Variants in CABLES1 observed in about 807,000 individuals in gnomAD.
CABLES1 encodes the protein Cdk5 and Abl enzyme substrate 1.
A neutral mutation model predicts 57.8 loss-of-function variants in CABLES1; 36 were observed. The ratio of observed to expected loss-of-function variants is 0.62; its 90% CI spans 0.48 to 0.82. The LOEUF is 0.82. CABLES1 is among the 40% of genes least tolerant of loss of function. The pLI is 0.00. For synonymous variants in CABLES1, 374 were observed against 363.0 expected (o/e 1.03, Z -0.35); for missense variants, 767 against 836.6 (o/e 0.92, Z 1.03).
chr18:23,151,726 C>T (rs1217774768), intron 1 of CABLES1, among the ~76,000 whole-genome samples: 1 of 152,080 alleles, frequency 6.6e-6, no homozygotes, highest in East Asian at 1.9e-4. Flanking sequence ...GACTGCTGAA[C>T]TAAGGTCTAA....
chr18:23,173,550 G>A (rs1022890923), intron 1 of CABLES1, among the ~76,000 whole-genome samples: 1 of 152,168 alleles, frequency 6.6e-6, no homozygotes, highest in African/African-American at 2.4e-5. Flanking sequence ...GGGATTTGGT[G>A]CTTCATTATT....
intron 1 of CABLES1, among the ~76,000 whole-genome samples, chr18:23,161,764 A>G (rs1297729990): frequency 6.7e-6 from 1 of 149,390 alleles, no homozygotes; most frequent in East Asian, 1.9e-4. Context: ...CAAAAAAAAA[A>G]AAAAAAAAAA....
intron 3 of CABLES1, among the ~76,000 whole-genome samples, chr18:23,203,076 G>A (rs763181912): frequency 3.3e-4 from 50 of 152,042 alleles, no homozygotes; most frequent in Middle Eastern, 6.9e-3. Context: ...AGGACCTTTC[G>A]TCTTGGTGCT....
At chr18:23,157,723 C>T (rs2046975059) in intron 1 of CABLES1, among the ~76,000 whole-genome samples, 1 of 152,032 alleles carries the variant, frequency 6.6e-6, no homozygotes, top group Non-Finnish European at 1.5e-5. Context: ...AGCATAGTAG[C>T]CAGGCATAGT....
chr18:23,136,053 C>T lies in CABLES1; in HGVS notation c.291C>T (p.Gly97=), dbSNP rs2046817356. 1 of 699,686 alleles carries T rather than the reference C, an allele frequency of 1.4e-6. No homozygotes were observed. 43.3% of individuals were successfully genotyped at this position (699,686 alleles called of 1,614,324 possible). ...GGEEGGAAKP[G]AGGACGARTR... ...AGGAGGGCGGCGCGGCCAAGCCGGG[C>T]GCCGGCGGCGCCTGCGGCGCGAGGA... The change falls in exon 1 of 10, where the codon GGC becomes GGT. Residue 97 remains glycine (G), a synonymous_variant. Coordinates refer to ENST00000256925, the MANE Select transcript of CABLES1 (RefSeq NM_001100619.3).
At chr18:23,150,520 C>T (rs972710428) in intron 1 of CABLES1, among the ~76,000 whole-genome samples, 5 of 151,946 alleles carry the variant, frequency 3.3e-5, no homozygotes, top group Non-Finnish European at 5.9e-5. Context: ...CCAGCCAGGT[C>T]GTAGTAGTTT....
intron 1 of CABLES1, among the ~76,000 whole-genome samples, chr18:23,143,437 G>A (rs1189288242): frequency 1.3e-5 from 2 of 152,242 alleles, no homozygotes; most frequent in Non-Finnish European, 2.9e-5. Flanking sequence ...GTCCTCGTCT[G>A]TGAAATGGGA....
At chr18:23,175,882 A>G (rs1163163087) in intron 1 of CABLES1, among the ~76,000 whole-genome samples, 2 of 152,252 alleles carry the variant, frequency 1.3e-5, no homozygotes, top group East Asian at 3.8e-4. Flanking sequence ...TTTCAAAGAA[A>G]GAAAGACATA....
At chr18:23,248,639 C>T (rs1185934515) in intron 7 of CABLES1, among the ~76,000 whole-genome samples, 3 of 150,526 alleles carry the variant, frequency 2.0e-5, no homozygotes, top group Admixed American at 6.7e-5. Context: ...ACCAGCCTGA[C>T]CAACATGGTG....
chr18:23,223,579 G>GA (rs1164603815), intron 4 of CABLES1, among the ~76,000 whole-genome samples: 913 of 71,766 alleles, frequency 0.013, 9 homozygotes, highest in African/African-American at 0.036. Context: ...CTCCGTCTCA[G>GA]AAAAAAAAAA....
chr18:23,216,323 C>A (rs2047441526), intron 4 of CABLES1, among the ~76,000 whole-genome samples: 1 of 152,182 alleles, frequency 6.6e-6, no homozygotes, highest in African/African-American at 2.4e-5. Flanking sequence ...GTTTAATCCC[C>A]AGTCTGTTCA....
In CABLES1 at chr18:23,149,081, A is replaced by T. The variant is rs142699493; in HGVS notation, c.845+12474A>T. Among the ~76,000 whole-genome samples the T allele has an allele frequency of 9.5e-4, 144 of 151,578 alleles. 1 individual carries two copies. The East Asian group carries it at 0.023, about 24-fold the overall frequency. Reference sequence around the variant, plus strand: ...AATTTTTTTTGTATTTTTAGTAGAGATTGGGTTTTGCCATGTTGTCCAGGC... The same window carrying T: ...AATTTTTTTTGTATTTTTAGTAGAGTTTGGGTTTTGCCATGTTGTCCAGGC... On this transcript the variant is annotated intron_variant, in intron 1 of 9. Transcript: ENST00000256925.
chr18:23,222,429 G>C (rs1164099647), intron 4 of CABLES1, among the ~76,000 whole-genome samples: 1 of 151,932 alleles, frequency 6.6e-6, no homozygotes, highest in African/African-American at 2.4e-5. Flanking sequence ...GAAAGTAGTG[G>C]TCACTCTGGT....
At chr18:23,236,676 C>T (rs780644604) in intron 6 of CABLES1, among the ~76,000 whole-genome samples, 4 of 152,204 alleles carry the variant, frequency 2.6e-5, no homozygotes, top group Admixed American at 1.3e-4. Flanking sequence ...CACCTCTGAT[C>T]GTTCGCAGCT....
intron 1 of CABLES1, among the ~76,000 whole-genome samples, chr18:23,174,641 T>G (rs2047108151): frequency 1.3e-5 from 2 of 151,424 alleles, no homozygotes; most frequent in Non-Finnish European, 2.9e-5. Flanking sequence ...CCGGCTAATT[T>G]TTTTGCATTT....
intron 3 of CABLES1, 44 bp from the exon 4 acceptor site, chr18:23,213,933 T>C (rs1392624828): frequency 7.5e-7 from 1 of 1,332,872 alleles, no homozygotes; most frequent in Admixed American, 1.9e-5. Context: ...TTTGATTCTT[T>C]GCATTTAGTG....
chr18:23,254,819 G>T (rs1339456096), intron 9 of CABLES1, among the ~76,000 whole-genome samples: 1 of 152,084 alleles, frequency 6.6e-6, no homozygotes, highest in Non-Finnish European at 1.5e-5. Context: ...ACTCCCAAAG[G>T]CCCCATCTCC....
chr18:23,174,044 A>G (rs2047102726), intron 1 of CABLES1, among the ~76,000 whole-genome samples: 1 of 152,180 alleles, frequency 6.6e-6, no homozygotes, highest in African/African-American at 2.4e-5. Flanking sequence ...ACCACTATCT[A>G]ATTTTAGAAC....
rs188634427 is a variant in CABLES1 at position 23,181,420 on chromosome 18, C to T, written c.846-7418C>T. ...CTGAGGCAGGAGAATTGCTTGAACC[C>T]GGGAGGTAGAGGTTGTGGTAAGCCA... On this transcript the variant is annotated intron_variant, in intron 1 of 9. Transcript: ENST00000256925. 3.2e-3 allele frequency among the ~76,000 whole-genome samples: 403 copies of T among 126,848 alleles called. 1 individual carries two copies. The highest frequency in any genetic ancestry group is 5.3e-3 in the Middle Eastern group (1 of 188). The allele number at this position is 126,848 out of a possible 152,430, so 83.2% of individuals were successfully genotyped here.
Sources: gnomAD v4.1 joint callset for allele counts (sites outside exome capture counted in the v4.1 genomes callset) on GRCh38, gnomAD v4.1.1 for gene constraint, MANE v1.5 for transcripts, NCBI Gene and HGNC (gene_info 2026-07-23, HGNC 2026-07-21) for gene names.